Variants in CALY observed in about 807,000 individuals in gnomAD.
CALY encodes neuron-specific vesicular protein calcyon.
Under a neutral mutation model 20.2 loss-of-function variants are expected in CALY, and 15 were observed. That is an observed-to-expected ratio of 0.74 (90% CI 0.50 to 1.14). The LOEUF (loss-of-function observed/expected upper bound fraction) is 1.14. Among genes scored for constraint, CALY ranks in the 50% most tolerant of loss-of-function variants. The pLI is 0.00. For synonymous variants in CALY, 129 were observed against 131.8 expected, an observed-to-expected ratio of 0.98 and a Z score of 0.15; for missense variants, 270 against 304.4, an observed-to-expected ratio of 0.89 and a Z score of 0.84.
At position 133,328,966 on chromosome 10, in the gene CALY, G is replaced by A. The variant is rs1010540981; in HGVS notation, c.24C>T (p.Phe8=). 1.9e-6 allele frequency: 3 copies of A among 1,565,160 alleles called. No individual in the cohort carries two copies. The highest frequency in any genetic ancestry group is 2.6e-6 in the Non-Finnish European group (3 of 1,153,768). The change falls in exon 2 of 6, where the codon TTC becomes TTT. Residue 8 remains phenylalanine, a synonymous_variant. Transcript: ENST00000252939. ...CAGGGTCTTTACCTGGCTTCCCAGA[G>A]AAGCTGCAGCCCAGCTTCACCATGG... The part of the protein sequence containing the change: MVKLGCS[F]SGKPGKDPGD...
rs143428471 is a variant in CALY, at chr10:133,327,919, C to T, written c.232G>A (p.Glu78Lys). Reference sequence around the variant, plus strand: ...GGTGTGGTTACCCTGCGCCCTTCCTCTGGGTGGCTGCAGTTCAGCCTCTGG... The same window carrying T: ...GGTGTGGTTACCCTGCGCCCTTCCTTTGGGTGGCTGCAGTTCAGCCTCTGG... ...EGQRLNCSHP[E>K]EGRRLPTARM... The change falls in exon 3 of 6, where the codon GAG (glutamate) becomes AAG (lysine). Residue 78 changes from glutamate to lysine, a missense_variant. Coordinates refer to ENST00000252939, the MANE Select transcript of CALY (RefSeq NM_015722.4). 196 of 1,611,716 alleles carry T rather than the reference C, an allele frequency of 1.2e-4. No homozygotes were observed. The highest frequency in any genetic ancestry group is 3.3e-4 in the Middle Eastern group (2 of 6,082).
chr10:133,328,589 C>T (rs1848252114), intron 2 of CALY, among the ~76,000 whole-genome samples: 1 of 152,216 alleles, frequency 6.6e-6, no homozygotes, highest in Admixed American at 6.5e-5. Context: ...GCCCTATGGA[C>T]AGCACGTGGG....
intron 1 of CALY, among the ~76,000 whole-genome samples, chr10:133,336,227 G>T (rs1488005486): frequency 2.0e-5 from 3 of 151,948 alleles, no homozygotes; most frequent in South Asian, 4.1e-4. Flanking sequence ...GGGAGTGGGC[G>T]CGCAGCTGCT....
Position 133,327,922 on chromosome 10 carries a change from G to A in CALY, c.229C>T (p.Pro77Ser). The change falls in exon 3 of 6, where the codon CCA (proline) becomes TCA (serine). Residue 77 changes from proline (P) to serine (S), a missense_variant. Physicochemically the swap from Pro to Ser is moderately conservative, Grantham distance 74. Coordinates refer to ENST00000252939, the MANE Select transcript of CALY (RefSeq NM_015722.4). ...GTGGTTACCCTGCGCCCTTCCTCTG[G>A]GTGGCTGCAGTTCAGCCTCTGGCCC... ...LEGQRLNCSHPEEGRRLPTAR... is the reference protein window; with the variant it reads ...LEGQRLNCSHSEEGRRLPTAR... 1 of 1,611,654 alleles carries A rather than the reference G, an allele frequency of 6.2e-7. No individual in the cohort carries two copies. Among genetic ancestry groups the A allele is most frequent in the Middle Eastern group, 1.7e-4 (1 of 6,058 alleles).
At chr10:133,328,094 C>A (rs1175884982) in intron 2 of CALY, 79 bp from the exon 3 acceptor site, 1 of 846,964 alleles carries the variant, frequency 1.2e-6, no homozygotes, top group Admixed American at 2.2e-5. Flanking sequence ...GGGGAGGGAG[C>A]CAGCGTCAGC....
intron 3 of CALY, among the ~76,000 whole-genome samples, chr10:133,327,253 A>C (rs1296849845): frequency 6.6e-6 from 1 of 152,184 alleles, no homozygotes; most frequent in Non-Finnish European, 1.5e-5. Flanking sequence ...GTGGCCTTTG[A>C]CCCAGGTGGG....
At chr10:133,336,545 G>A (rs1295265734) in intron 1 of CALY, among the ~76,000 whole-genome samples, 5 of 152,124 alleles carry the variant, frequency 3.3e-5, no homozygotes, top group African/African-American at 7.2e-5. Flanking sequence ...GGGCCCCGCC[G>A]TCACGGGAAG....
intron 1 of CALY, among the ~76,000 whole-genome samples, chr10:133,333,667 G>C (rs914014544): frequency 6.6e-5 from 8 of 121,398 alleles, no homozygotes; most frequent in Non-Finnish European, 1.3e-4. Flanking sequence ...GAGGCGGAAA[G>C]ATCTGAGAGT....
chr10:133,326,828 C>T lies in CALY; in HGVS notation c.360+50G>A, dbSNP rs376567785. The T allele has an allele frequency of 2.6e-5, 33 of 1,274,054 alleles. 1 individual carries two copies. Among genetic ancestry groups the T allele is most frequent in the Middle Eastern group, 3.7e-4 (2 of 5,452 alleles). The allele number at this position is 1,274,054 out of a possible 1,614,324, so 78.9% of individuals were successfully genotyped here. A position where few individuals can be genotyped will look rare whatever the true frequency, so the allele number is the denominator to read the frequency against. ...CCTGCCACCCCCTGCCTGGAGGCTA[C>T]GGGAGGAGGGGCGGCTCTACACCCC... On this transcript the variant is annotated intron_variant, in intron 4 of 5. Coordinates refer to ENST00000252939, the MANE Select transcript of CALY (RefSeq NM_015722.4).
chr10:133,333,280 G>A (rs1352842021), intron 1 of CALY, among the ~76,000 whole-genome samples: 1 of 55,590 alleles, frequency 1.8e-5, no homozygotes, highest in African/African-American at 7.5e-5. Flanking sequence ...CGAGGGAGAA[G>A]GATTGAGGGG....
At position 133,324,421 on chromosome 10, in the gene CALY, T is replaced by TG. The variant is rs1848169498; in HGVS notation, c.*1173dup. 2.4e-6 allele frequency: 1 copy of TG among 421,406 alleles called. No homozygotes were observed. The highest frequency in any genetic ancestry group is 2.5e-5 in the Admixed American group (1 of 40,042). The allele number at this position is 421,406 out of a possible 1,614,324, so 26.1% of individuals were successfully genotyped here. On this transcript the variant is annotated 3_prime_UTR_variant, in exon 6 of 6. Transcript: ENST00000252939. ...TAGACCCGCACCTAGCCAGCAAGCC[T>TG]GGGAGCCAATGGTGGGGGGCTTCCA...
intron 4 of CALY, 183 bp from the exon 5 acceptor site, chr10:133,326,303 G>A: frequency 1.3e-6 from 2 of 1,547,084 alleles, no homozygotes; most frequent in Admixed American, 2.0e-5. Context: ...GGAGCAGGAG[G>A]TCGCGCGTTG....
intron 4 of CALY, 32 bp from the exon 5 acceptor site, chr10:133,326,152 G>C (rs1422565486): frequency 1.3e-6 from 2 of 1,590,780 alleles, no homozygotes; most frequent in Non-Finnish European, 1.7e-6. Context: ...GGTCGGTGGG[G>C]CTGAGCCCTC....
chr10:133,330,769 C>T (rs1306911175), intron 1 of CALY, among the ~76,000 whole-genome samples: 3 of 149,852 alleles, frequency 2.0e-5, no homozygotes, highest in African/African-American at 7.4e-5. Context: ...AAGTAATGCA[C>T]GTCCACAAAA....
chr10:133,328,082 G>A (rs1217696502), intron 2 of CALY, 67 bp from the exon 3 acceptor site: 4 of 932,780 alleles, frequency 4.3e-6, no homozygotes, highest in African/African-American at 3.3e-5. Flanking sequence ...CCTGAACTGA[G>A]AGGGGAGGGA....
intron 2 of CALY, 26 bp downstream of exon 2, chr10:133,328,829 G>GC (rs1848256061): frequency 1.3e-6 from 2 of 1,532,558 alleles, no homozygotes; most frequent in South Asian, 1.2e-5. Context: ...CCTGAGAAGG[G>GC]CCCCCACGCT....
rs990282264 is a variant in CALY at position 133,324,157 on chromosome 10, C to T, written c.*1438G>A. 9.2e-6 allele frequency: 3 copies of T among 327,744 alleles called. No homozygotes were observed. In the East Asian group the frequency reaches 2.7e-4, roughly 29 times the overall value. 20.3% of individuals were successfully genotyped at this position (327,744 alleles called of 1,614,324 possible). A position where few individuals can be genotyped will look rare whatever the true frequency, so the allele number is the denominator to read the frequency against. ...ATATCCCAGCTGACGCCCCAGGCCCCGGGCCCCCCTCCCTTGCAGGCCATC... is the reference window on the plus strand; with the variant it reads ...ATATCCCAGCTGACGCCCCAGGCCCTGGGCCCCCCTCCCTTGCAGGCCATC... On this transcript the variant is annotated 3_prime_UTR_variant, in exon 6 of 6. Transcript: ENST00000252939.
rs1035268077 is a variant in CALY at position 133,326,019 on chromosome 10, G to T, written c.462C>A (p.Ser154Arg). ...CCGGCGTCTCCGTGCCGTGCTTGCG[G>T]CTCAGCGGGTAGGCCCCGATGGCCG... ...ILAAIGAYPL[S>R]RKHGTETPAA... Residue 154 changes from serine (S) to arginine (R), a missense_variant, in exon 5 of 6, where the codon AGC (serine) becomes AGA (arginine). Transcript: ENST00000252939. The T allele has an allele frequency of 2.5e-5, 40 of 1,584,526 alleles. No individual in the cohort carries two copies. The highest frequency in any genetic ancestry group is 3.4e-5 in the Non-Finnish European group (40 of 1,165,852).
chr10:133,336,793 C>A, intron 1 of CALY, 41 bp downstream of exon 1: 1 of 152,914 alleles, frequency 6.5e-6, no homozygotes. Context: ...CCCCTTCGGG[C>A]CCCCCGCCCA....
Sources: allele counts gnomAD v4.1 joint callset (sites outside exome capture counted in the v4.1 genomes callset), GRCh38; gene constraint gnomAD v4.1.1; transcripts MANE v1.5; gene names NCBI Gene and HGNC (gene_info 2026-07-23, HGNC 2026-07-21).